The following SIL1 variants were observed in gnomAD, a reference collection of about 807,000 sequenced individuals.
The protein encoded by SIL1 is nucleotide exchange factor SIL1.
A neutral mutation model predicts 49.1 loss-of-function variants in SIL1; 40 were observed. The observed-to-expected ratio is 0.81, with a 90% CI of 0.63 to 1.06. The LOEUF (loss-of-function observed/expected upper bound fraction) is 1.06. Among genes scored for constraint, SIL1 ranks in the 50% least tolerant of loss-of-function variants. SIL1 has a pLI of 0.00. For missense variants in SIL1, 500 were observed against 572.6 expected (o/e 0.87, Z 1.29); for synonymous variants, 253 against 250.8 (o/e 1.01, Z -0.08).
chr5:139,197,891 G>A (rs962956583), intron 1 of SIL1, among the ~76,000 whole-genome samples: 3 of 151,154 alleles, frequency 2.0e-5, no homozygotes, highest in African/African-American at 7.3e-5. Context: ...CACATGGGAA[G>A]AGACACACGG....
intron 5 of SIL1, among the ~76,000 whole-genome samples, chr5:139,034,601 C>T (rs1199135749): frequency 1.3e-5 from 2 of 152,226 alleles, no homozygotes; most frequent in East Asian, 1.9e-4. Flanking sequence ...ATGTAGAAAC[C>T]TTACCTCCAA....
intron 1 of SIL1, among the ~76,000 whole-genome samples, chr5:139,177,568 C>CCAG (rs1751910344): frequency 6.6e-6 from 1 of 151,998 alleles, no homozygotes; most frequent in African/African-American, 2.4e-5. Flanking sequence ...AAAGTCAGCC[C>CCAG]CAGTCCAAGG....
chr5:139,062,551 C>T (rs753018353), intron 3 of SIL1, among the ~76,000 whole-genome samples: 1 of 152,132 alleles, frequency 6.6e-6, no homozygotes, highest in Non-Finnish European at 1.5e-5. Flanking sequence ...ACCCCACTAC[C>T]CTCCAAAATC....
chr5:139,187,471 T>C (rs1313108650), intron 1 of SIL1, among the ~76,000 whole-genome samples: 1 of 150,936 alleles, frequency 6.6e-6, no homozygotes, highest in Non-Finnish European at 1.5e-5. Context: ...GAGCCGAGAT[T>C]GTGCCACTCC....
intron 3 of SIL1, among the ~76,000 whole-genome samples, chr5:139,070,963 C>A (rs1272646641): frequency 6.6e-6 from 1 of 151,752 alleles, no homozygotes; most frequent in Non-Finnish European, 1.5e-5. Context: ...TCTTGCAATC[C>A]CACAAAAAGA....
chr5:139,028,328 T>C (rs1183225587), intron 5 of SIL1, among the ~76,000 whole-genome samples: 2 of 151,638 alleles, frequency 1.3e-5, no homozygotes, highest in Non-Finnish European at 2.9e-5. Flanking sequence ...TGAAACCCCA[T>C]CTCTACTAAA....
intron 7 of SIL1, among the ~76,000 whole-genome samples, chr5:139,005,716 T>C (rs1768103278): frequency 1.2e-5 from 1 of 83,018 alleles, no homozygotes; most frequent in African/African-American, 5.1e-5. Context: ...GGTTTTTTGT[T>C]CTTGCGATAG....
At chr5:139,160,146 C>T (rs1203140363) in intron 1 of SIL1, among the ~76,000 whole-genome samples, 8 of 32,916 alleles carry the variant, frequency 2.4e-4, no homozygotes, top group African/African-American at 8.8e-4. Flanking sequence ...TCCACAATCA[C>T]ACACACACAC....
chr5:139,060,267 A>T (rs998510936), intron 3 of SIL1, among the ~76,000 whole-genome samples: 1 of 151,800 alleles, frequency 6.6e-6, no homozygotes, highest in Admixed American at 6.6e-5. Flanking sequence ...GTTCTCTTAC[A>T]TACTTTTTTT....
At chr5:139,087,393 GA>G (rs1770246024) in intron 3 of SIL1, among the ~76,000 whole-genome samples, 1 of 152,074 alleles carries the variant, frequency 6.6e-6, no homozygotes, top group Admixed American at 6.5e-5. Flanking sequence ...CAAGGACATT[GA>G]AAGACTCTAA....
intron 4 of SIL1, among the ~76,000 whole-genome samples, chr5:139,044,518 T>C (rs1197417249): frequency 6.6e-6 from 1 of 152,180 alleles, no homozygotes; most frequent in Non-Finnish European, 1.5e-5. Flanking sequence ...GAAACAGTCA[T>C]CTGGTGTTCT....
At chr5:139,111,910 T>A (rs1770851944) in intron 3 of SIL1, among the ~76,000 whole-genome samples, 2 of 152,210 alleles carry the variant, frequency 1.3e-5, no homozygotes, top group Non-Finnish European at 2.9e-5. Context: ...AGCTGGACTG[T>A]ACTGCTGCCA....
intron 7 of SIL1, among the ~76,000 whole-genome samples, chr5:138,977,952 T>C (rs1020494251): frequency 2.0e-5 from 3 of 152,216 alleles, no homozygotes; most frequent in Admixed American, 6.5e-5. Context: ...TATATTTGAG[T>C]TGAGGCCAGA....
intron 1 of SIL1, among the ~76,000 whole-genome samples, chr5:139,162,747 C>T (rs1313335936): frequency 6.6e-6 from 1 of 152,114 alleles, no homozygotes; most frequent in Non-Finnish European, 1.5e-5. Flanking sequence ...AGGTACCTTT[C>T]CTAGGACTGG....
intron 3 of SIL1, among the ~76,000 whole-genome samples, chr5:139,077,364 T>C (rs10079634): frequency 0.46 from 69,535 of 151,976 alleles, 17,772 homozygotes; most frequent in African/African-American, 0.71. Flanking sequence ...AAAACCGTGA[T>C]ATATATCTCA....
intron 1 of SIL1, among the ~76,000 whole-genome samples, chr5:139,165,190 C>T: frequency 6.6e-6 from 1 of 152,220 alleles, no homozygotes. Flanking sequence ...AAAACTTGGT[C>T]TCCACAATCC....
chr5:139,076,682 T>A (rs989728947), intron 3 of SIL1, among the ~76,000 whole-genome samples: 2 of 152,078 alleles, frequency 1.3e-5, no homozygotes, highest in Non-Finnish European at 1.5e-5. Flanking sequence ...GGACACAATG[T>A]CAAAAAGCTC....
chr5:139,086,270 TAAA>T (rs756341363), intron 3 of SIL1, among the ~76,000 whole-genome samples: 6 of 96,618 alleles, frequency 6.2e-5, no homozygotes, highest in East Asian at 5.6e-4. Context: ...GAGACCGTCT[TAAA>T]AAAAAAAAAA....
At chr5:139,127,501 TTA>T (rs1750776355) in intron 2 of SIL1, among the ~76,000 whole-genome samples, 2 of 144,082 alleles carry the variant, frequency 1.4e-5, no homozygotes, top group African/African-American at 2.8e-5. Flanking sequence ...AATTATGAAT[TTA>T]TCATCATCAT....
Sources: allele counts gnomAD v4.1 joint callset (sites outside exome capture counted in the v4.1 genomes callset), GRCh38; gene constraint gnomAD v4.1.1; transcripts MANE v1.5; gene names NCBI Gene and HGNC (gene_info 2026-07-23, HGNC 2026-07-21).